The following GALNT18 variants were observed in gnomAD, a reference collection of about 807,000 sequenced individuals.
The protein encoded by GALNT18 is polypeptide N-acetylgalactosaminyltransferase 18, also known as GalNAc-transferase 18.
A neutral mutation model predicts 69.5 loss-of-function variants in GALNT18; 44 were observed. That is an observed-to-expected ratio of 0.63 (90% CI 0.50 to 0.81). The LOEUF is 0.81. GALNT18 is among the 40% of genes least tolerant of loss of function. GALNT18 has a pLI of 0.00. For missense variants in GALNT18, 715 were observed against 810.0 expected (o/e 0.88, Z 1.42); for synonymous variants, 364 against 318.2 (o/e 1.14, Z -1.53).
chr11:11,391,142 G>T (rs1422538313), intron 3 of GALNT18, among the ~76,000 whole-genome samples: 1 of 152,144 alleles, frequency 6.6e-6, no homozygotes. Flanking sequence ...ACATCCCCAG[G>T]TGCAGGACAC....
At position 11,584,126 on chromosome 11, in the gene GALNT18, TAGA is replaced by T. The variant is rs1194084613; in HGVS notation, c.235+37230_235+37232del. On this transcript the variant is annotated intron_variant, in intron 1 of 10. Coordinates refer to ENST00000227756, the MANE Select transcript of GALNT18 (RefSeq NM_198516.3). The surrounding 1 kb of genome is among the most constrained non-coding windows in gnomAD (Gnocchi z 4.1). ...TACGGAGAGAAGTAAAAAGGGGAAG[TAGA>T]AGAAGCGGCCCCTGAGATTCCAGGG... Among the ~76,000 whole-genome samples, 2 of 151,860 alleles carry T rather than the reference TAGA, an allele frequency of 1.3e-5. No individual in the cohort carries two copies. The highest frequency in any genetic ancestry group is 2.1e-4 in the South Asian group (1 of 4,818).
At chr11:11,312,949 C>A (rs923715861) in intron 9 of GALNT18, among the ~76,000 whole-genome samples, 4 of 152,124 alleles carry the variant, frequency 2.6e-5, no homozygotes, top group Non-Finnish European at 5.9e-5. Flanking sequence ...GGAGAAAGAC[C>A]ATCAGGTGTA....
intron 1 of GALNT18, among the ~76,000 whole-genome samples, chr11:11,594,874 T>C (rs1859456816): frequency 7.0e-6 from 1 of 143,368 alleles, no homozygotes; most frequent in African/African-American, 2.6e-5. Context: ...CATAAATATA[T>C]ATATATAAAA....
In GALNT18 at chr11:11,620,970, C is replaced by T. The variant is rs1398490207; in HGVS notation, c.235+389G>A. On this transcript the variant is annotated intron_variant, in intron 1 of 10. Coordinates refer to ENST00000227756, the MANE Select transcript of GALNT18 (RefSeq NM_198516.3). This position sits in a 1 kb window ranked among gnomAD's most constrained non-coding sequence, Gnocchi z 6.9. ...GGCCAAAAAAGCTCGTTTGCCCGCG[C>T]GTTCCCTCTTGTACACACACAGACA... Among the ~76,000 whole-genome samples, 2 of 152,044 alleles carry T rather than the reference C, an allele frequency of 1.3e-5. No homozygotes were observed. The highest frequency in any genetic ancestry group is 4.8e-5 in the African/African-American group (2 of 41,396).
chr11:11,479,594 T>TA (rs1856479733), intron 1 of GALNT18, among the ~76,000 whole-genome samples: 1 of 151,878 alleles, frequency 6.6e-6, no homozygotes, highest in Non-Finnish European at 1.5e-5. Flanking sequence ...TGAGGTTTTT[T>TA]AACTATGTAA....
intron 1 of GALNT18, chr11:11,475,540 A>T (rs1209484949): frequency 1.3e-5 from 2 of 152,230 alleles, no homozygotes; most frequent in Non-Finnish European, 2.9e-5. Context: ...ATGAATGTCA[A>T]CATCTAAAAG....
Position 11,542,682 on chromosome 11 carries a change from T to C in GALNT18, c.235+78677A>G, listed in dbSNP as rs972062924. ...TCTCTGCTACTTTCTAGTTGTGTAA[T>C]CTTGGTCACCTCTCTGCGTGTATCA... is the stretch of plus-strand genomic sequence containing the variant. On this transcript the variant is annotated intron_variant, in intron 1 of 10. Transcript: ENST00000227756. The surrounding 1 kb of genome is among the most constrained non-coding windows in gnomAD (Gnocchi z 4.3). 1.3e-5 allele frequency among the ~76,000 whole-genome samples: 2 copies of C among 152,240 alleles called. No homozygotes were observed. Among genetic ancestry groups the C allele is most frequent in the African/African-American group, 4.8e-5 (2 of 41,464 alleles).
At chr11:11,412,769 C>T (rs1220906985) in intron 3 of GALNT18, among the ~76,000 whole-genome samples, 37 of 152,216 alleles carry the variant, frequency 2.4e-4, no homozygotes, top group Admixed American at 2.4e-3. Context: ...TCAAAGTGCT[C>T]CCTGCTAACC....
intron 1 of GALNT18, among the ~76,000 whole-genome samples, chr11:11,477,390 C>A (rs1055065719): frequency 2.0e-5 from 3 of 152,188 alleles, no homozygotes; most frequent in Admixed American, 2.0e-4. Flanking sequence ...CCAGCAGGGG[C>A]ATCTCCAGAG....
chr11:11,359,609 C>T (rs974342366), intron 6 of GALNT18, among the ~76,000 whole-genome samples: 1 of 152,160 alleles, frequency 6.6e-6, no homozygotes, highest in African/African-American at 2.4e-5. Context: ...AAGTCTCCTG[C>T]CATGTCCAGT....
Position 11,497,815 on chromosome 11 carries a change from A to C in GALNT18, c.236-48879T>G, listed in dbSNP as rs370570834. 6.6e-6 allele frequency among the ~76,000 whole-genome samples: 1 copy of C among 151,810 alleles called. No individual in the cohort carries two copies. Among genetic ancestry groups the C allele is most frequent in the East Asian group, 1.9e-4 (1 of 5,196 alleles). The stretch of plus-strand genomic sequence containing the variant: ...AAACCATAAACACTATTTCAACTTA[A>C]AATATTTCATGCTAATATTTTGGTG... On this transcript the variant is annotated intron_variant, in intron 1 of 10. Transcript: ENST00000227756. The surrounding 1 kb of genome is among the most constrained non-coding windows in gnomAD (Gnocchi z 4.2).
At chr11:11,354,241 A>G (rs967923228) in intron 6 of GALNT18, among the ~76,000 whole-genome samples, 11 of 152,340 alleles carry the variant, frequency 7.2e-5, no homozygotes, top group African/African-American at 2.6e-4. Flanking sequence ...AGATCAGCAT[A>G]CTGCAATAGA....
intron 1 of GALNT18, among the ~76,000 whole-genome samples, chr11:11,509,522 G>A (rs1367384776): frequency 1.3e-5 from 2 of 152,180 alleles, no homozygotes; most frequent in African/African-American, 4.8e-5. Flanking sequence ...CCTAGCCCCA[G>A]GCCTAGCATC....
intron 2 of GALNT18, among the ~76,000 whole-genome samples, chr11:11,445,865 G>T (rs1046561220): frequency 6.6e-6 from 1 of 152,136 alleles, no homozygotes; most frequent in African/African-American, 2.4e-5. Context: ...CTGTAAGGAC[G>T]ATTGCTCCTC....
At chr11:11,275,609 T>G in intron 10 of GALNT18, among the ~76,000 whole-genome samples, 1 of 152,242 alleles carries the variant, frequency 6.6e-6, no homozygotes. Flanking sequence ...TCTTTGCCCA[T>G]GCCGATGTCC....
In GALNT18 at chr11:11,435,919, G is replaced by T. The variant is rs1043736886; in HGVS notation, c.429-3132C>A. Among the ~76,000 whole-genome samples, 1 of 152,112 alleles carries T rather than the reference G, an allele frequency of 6.6e-6. No homozygotes were observed. The highest frequency in any genetic ancestry group is 1.5e-5 in the Non-Finnish European group (1 of 68,024). ...ACACTGTAATCCCTTCAGGCCAAAC[G>T]CCCTGACCTCCTTAAATCCTTCTTT... On this transcript the variant is annotated intron_variant, in intron 2 of 10. Transcript: ENST00000227756. This position sits in a 1 kb window ranked among gnomAD's most constrained non-coding sequence, Gnocchi z 4.4.
In GALNT18 at chr11:11,377,806, G is replaced by A. The variant is rs1030385390; in HGVS notation, c.780-427C>T. On this transcript the variant is annotated intron_variant, in intron 4 of 10. Coordinates refer to ENST00000227756, the MANE Select transcript of GALNT18 (RefSeq NM_198516.3). This position sits in a 1 kb window ranked among gnomAD's most constrained non-coding sequence, Gnocchi z 4.6. ...CAACCTGGAGGAAAAGACAGATGAG[G>A]ATGGCAGAGACTAGGAGCTGAGAAC... Among the ~76,000 whole-genome samples the A allele has an allele frequency of 7.2e-5, 11 of 152,202 alleles. No individual in the cohort carries two copies. The highest frequency in any genetic ancestry group is 2.0e-4 in the Admixed American group (3 of 15,284).
In GALNT18 at chr11:11,587,644, G is replaced by T. The variant is rs1236349891; in HGVS notation, c.235+33715C>A. ...TGCCCTCACCAATGCTGTTTCCAAA[G>T]TTATATCCTAGAGAAGTAATACCAG... On this transcript the variant is annotated intron_variant, in intron 1 of 10. Coordinates refer to ENST00000227756, the MANE Select transcript of GALNT18 (RefSeq NM_198516.3). The surrounding 1 kb of genome is among the most constrained non-coding windows in gnomAD (Gnocchi z 4.4). Among the ~76,000 whole-genome samples the T allele has an allele frequency of 1.3e-5, 2 of 152,182 alleles. No individual in the cohort carries two copies. The highest frequency in any genetic ancestry group is 4.8e-5 in the African/African-American group (2 of 41,442).
At chr11:11,336,348 C>T (rs1262801206) in intron 7 of GALNT18, among the ~76,000 whole-genome samples, 4 of 152,088 alleles carry the variant, frequency 2.6e-5, no homozygotes, top group African/African-American at 7.2e-5. Context: ...TTCACAGTTC[C>T]GAGGAGGCCT....
Sources: allele counts gnomAD v4.1 joint callset (sites outside exome capture counted in the v4.1 genomes callset), GRCh38; gene constraint gnomAD v4.1.1; non-coding constraint Gnocchi (gnomAD v3.1); transcripts MANE v1.5; gene names NCBI Gene and HGNC (gene_info 2026-07-23, HGNC 2026-07-21).